Variants in AGBL2 observed in about 807,000 individuals in gnomAD.
AGBL2 encodes the protein AGBL carboxypeptidase 2, also known as cytosolic carboxypeptidase 2.
A neutral mutation model predicts 103.0 loss-of-function variants in AGBL2; 87 were observed. The ratio of observed to expected loss-of-function variants is 0.84; its 90% CI spans 0.71 to 1.01. The LOEUF (loss-of-function observed/expected upper bound fraction) is 1.01, where lower values mean the gene tolerates loss of function less well. Among genes scored for constraint, AGBL2 ranks in the 50% least tolerant of loss-of-function variants. The pLI is 0.00. For synonymous variants in AGBL2, 335 were observed against 356.7 expected (o/e 0.94, Z 0.69); for missense variants, 904 against 1,023.5 (o/e 0.88, Z 1.59).
At chr11:47,696,610 T>G (rs1178374732) in intron 8 of AGBL2, among the ~76,000 whole-genome samples, 1 of 152,198 alleles carries the variant, frequency 6.6e-6, no homozygotes, top group East Asian at 1.9e-4. Flanking sequence ...ATTATTTCTT[T>G]GTTATAATGT....
chr11:47,670,981 G>T (rs1030413774), intron 14 of AGBL2, among the ~76,000 whole-genome samples: 1 of 150,600 alleles, frequency 6.6e-6, no homozygotes, highest in East Asian at 1.9e-4. Flanking sequence ...GCGACAGAGC[G>T]ACACTCTTTC....
chr11:47,686,447 G>GTTTTTTTT (rs563969184), intron 10 of AGBL2, among the ~76,000 whole-genome samples: 8 of 105,078 alleles, frequency 7.6e-5, no homozygotes, highest in Non-Finnish European at 1.1e-4. Flanking sequence ...TTTGTTTCTG[G>GTTTTTTTT]TTTTTTTTTT....
At position 47,705,654 on chromosome 11, in the gene AGBL2, A is replaced by AG; in HGVS notation, c.287-21_287-20insC. 1 of 579,498 alleles carries AG rather than the reference A, an allele frequency of 1.7e-6. No homozygotes were observed. The highest frequency in any genetic ancestry group is 1.9e-5 in the African/African-American group (1 of 51,576). The allele number at this position is 579,498 out of a possible 1,614,324, so 35.9% of individuals were successfully genotyped here. On this transcript the variant is annotated intron_variant, in intron 5 of 18. Coordinates refer to ENST00000525123, the MANE Select transcript of AGBL2 (RefSeq NM_024783.4). ...GAAAGTCTGTGTCAAAAAAAAAAAA[A>AG]AAAGAAAAAGAAAAAGAAGAAAGGG...
intron 14 of AGBL2, among the ~76,000 whole-genome samples, chr11:47,674,804 C>T (rs764083703): frequency 1.3e-5 from 2 of 151,690 alleles, no homozygotes; most frequent in Admixed American, 6.6e-5. Flanking sequence ...GGTGCGATCT[C>T]GGCTCACTGC....
At chr11:47,678,288 C>CT (rs1382376149) in intron 13 of AGBL2, among the ~76,000 whole-genome samples, 2 of 123,926 alleles carry the variant, frequency 1.6e-5, no homozygotes, top group South Asian at 3.2e-4. Flanking sequence ...ATGCAATACT[C>CT]TATTTTATTT....
intron 14 of AGBL2, among the ~76,000 whole-genome samples, chr11:47,670,459 T>C (rs1418767287): frequency 6.6e-6 from 1 of 151,928 alleles, no homozygotes; most frequent in Non-Finnish European, 1.5e-5. Context: ...CACTCCAGTC[T>C]GAGCAACAGG....
In AGBL2 at chr11:47,665,363, TA is replaced by T. The variant is rs1033596739; in HGVS notation, c.2448+1592del. ...TGCCCAGCCATGCCTAGCTAATTTT[TA>T]AAAAAAATTTTTGTAGAGATGGGGT... On this transcript the variant is annotated intron_variant, in intron 17 of 18. Coordinates refer to ENST00000525123, the MANE Select transcript of AGBL2 (RefSeq NM_024783.4). 5.9e-5 allele frequency among the ~76,000 whole-genome samples: 9 copies of T among 151,900 alleles called. No individual in the cohort carries two copies. In the East Asian group the frequency reaches 7.8e-4, roughly 13 times the overall value.
intron 7 of AGBL2, among the ~76,000 whole-genome samples, chr11:47,700,886 C>A (rs1040779213): frequency 2.6e-5 from 4 of 151,056 alleles, no homozygotes; most frequent in Non-Finnish European, 5.9e-5. Context: ...ACGGTGAAAC[C>A]CCGTCTCTAT....
chr11:47,681,921 T>C (rs1373184004), intron 12 of AGBL2, 48 bp downstream of exon 12: 1 of 1,590,840 alleles, frequency 6.3e-7, no homozygotes, highest in Non-Finnish European at 8.6e-7. Context: ...ATGCTTTGCT[T>C]GGATTTCCCT....
chr11:47,686,263 G>C (rs988020607), intron 10 of AGBL2, among the ~76,000 whole-genome samples: 7 of 151,868 alleles, frequency 4.6e-5, no homozygotes, highest in African/African-American at 1.7e-4. Flanking sequence ...GACTTGAAAT[G>C]GAAAATTTCT....
intron 17 of AGBL2, among the ~76,000 whole-genome samples, chr11:47,665,055 T>C (rs959107296): frequency 6.6e-6 from 1 of 151,530 alleles, no homozygotes; most frequent in African/African-American, 2.4e-5. Context: ...CTCATTTTTT[T>C]TCTTCTTTTT....
At chr11:47,671,413 G>A (rs538248409) in intron 14 of AGBL2, among the ~76,000 whole-genome samples, 3 of 152,064 alleles carry the variant, frequency 2.0e-5, no homozygotes, top group Non-Finnish European at 2.9e-5. Flanking sequence ...CCAGCTACTC[G>A]GGAGGCTGAG....
intron 17 of AGBL2, among the ~76,000 whole-genome samples, chr11:47,664,612 T>C (rs2097336294): frequency 6.6e-6 from 1 of 151,836 alleles, no homozygotes; most frequent in Non-Finnish European, 1.5e-5. Context: ...GGGGTTTCAC[T>C]GTGTTAGCTA....
chr11:47,677,303 C>G lies in AGBL2; in HGVS notation c.2115G>C (p.Trp705Cys), dbSNP rs147195727. 1 of 1,603,040 alleles carries G rather than the reference C, an allele frequency of 6.2e-7. No homozygotes were observed. Among genetic ancestry groups the G allele is most frequent in the African/African-American group, 1.3e-5 (1 of 74,314 alleles). The change falls in exon 14 of 19, where the codon TGG becomes TGC. Residue 705 changes from tryptophan (W) to cysteine (C), a missense_variant. Trp to Cys is a radical substitution (Grantham distance 215). Coordinates refer to ENST00000525123, the MANE Select transcript of AGBL2 (RefSeq NM_024783.4). ...CAATGTCAGACAAAGAGATGTCACT[C>G]CAACTTCCTTCTAAATCTACATCTT... ...LGQDVDLEGS[W>C]SDISLSDIES...
chr11:47,698,463 C>A (rs980451892), intron 8 of AGBL2, among the ~76,000 whole-genome samples: 1 of 152,136 alleles, frequency 6.6e-6, no homozygotes, highest in African/African-American at 2.4e-5. Flanking sequence ...TGAGCCACAG[C>A]GCCCAGCCAC....
chr11:47,710,550 G>T, intron 3 of AGBL2, 39 bp from the exon 4 acceptor site: 1 of 1,610,622 alleles, frequency 6.2e-7, no homozygotes, highest in South Asian at 1.1e-5. Context: ...CTGGAAGGCC[G>T]ACTCATCACT....
chr11:47,685,864 A>T, intron 11 of AGBL2, 29 bp downstream of exon 11: 1 of 1,605,592 alleles, frequency 6.2e-7, no homozygotes, highest in Non-Finnish European at 8.5e-7. Context: ...CCCTAACTCA[A>T]TGGAGAGAAA....
At chr11:47,666,528 A>C (rs1417934423) in intron 17 of AGBL2, 2 of 355,286 alleles carry the variant, frequency 5.6e-6, no homozygotes, top group African/African-American at 4.3e-5. Flanking sequence ...ACTTGCTGAA[A>C]TCTCCACCAG....
At chr11:47,660,412 G>A (rs1042712177) in intron 18 of AGBL2, 66 bp from the exon 19 acceptor site, 11 of 1,483,500 alleles carry the variant, frequency 7.4e-6, no homozygotes, top group Non-Finnish European at 9.1e-6. Flanking sequence ...ATGTAGTTAG[G>A]GTTGGGGTTG....
Sources: allele counts gnomAD v4.1 joint callset (sites outside exome capture counted in the v4.1 genomes callset), GRCh38; gene constraint gnomAD v4.1.1; transcripts MANE v1.5; gene names NCBI Gene and HGNC (gene_info 2026-07-23, HGNC 2026-07-21).